The following PAPPA variants were observed in gnomAD, a reference collection of about 807,000 sequenced individuals.
PAPPA encodes the protein pappalysin 1.
In PAPPA, 60 loss-of-function variants were observed where a neutral mutation model predicts 164.0. The observed-to-expected ratio is 0.37, with a 90% CI of 0.30 to 0.45. The LOEUF is 0.45. PAPPA is among the 20% of genes least tolerant of loss of function. The pLI is 1.00. For missense variants in PAPPA, 1,782 were observed against 2,087.3 expected (o/e 0.85, Z 2.85); for synonymous variants, 875 against 814.1 (o/e 1.07, Z -1.27).
chr9:116,381,393 T>C (rs1400742446), intron 20 of PAPPA, among the ~76,000 whole-genome samples: 3 of 152,190 alleles, frequency 2.0e-5, no homozygotes, highest in Non-Finnish European at 2.9e-5. Context: ...ACATTGCCCA[T>C]GTCCATGAAG....
chr9:116,246,161 T>C (rs1313474698), intron 7 of PAPPA, among the ~76,000 whole-genome samples: 1 of 152,122 alleles, frequency 6.6e-6, no homozygotes, highest in Non-Finnish European at 1.5e-5. Context: ...ATAGGAAAAA[T>C]GTAATAGGTC....
chr9:116,262,984 T>C (rs1272601640), intron 7 of PAPPA, among the ~76,000 whole-genome samples: 1 of 152,160 alleles, frequency 6.6e-6, no homozygotes, highest in Non-Finnish European at 1.5e-5. Context: ...TCATAGGAAT[T>C]TTTCCGTGGA....
intron 1 of PAPPA, among the ~76,000 whole-genome samples, chr9:116,161,682 G>C (rs1030242281): frequency 7.8e-6 from 1 of 128,628 alleles, no homozygotes; most frequent in Non-Finnish European, 1.7e-5. Flanking sequence ...TGTCTATTTT[G>C]TTTGTTTATT....
chr9:116,336,278 C>T lies in PAPPA; in HGVS notation c.3611+1204C>T, dbSNP rs150632692. Among the ~76,000 whole-genome samples the T allele has an allele frequency of 1.3e-3, 196 of 152,262 alleles. 1 individual carries two copies. The highest frequency in any genetic ancestry group is 4.2e-3 in the African/African-American group (175 of 41,554). On this transcript the variant is annotated intron_variant, in intron 13 of 21. Coordinates refer to ENST00000328252, the MANE Select transcript of PAPPA (RefSeq NM_002581.5). ...AAGAGGGGGACACTAGCCTTTCCCACGCCCCTGTTACCACAGAGGACACAA... is the reference window on the plus strand; with the variant it reads ...AAGAGGGGGACACTAGCCTTTCCCATGCCCCTGTTACCACAGAGGACACAA...
intron 2 of PAPPA, among the ~76,000 whole-genome samples, chr9:116,188,903 A>G (rs1844010404): frequency 2.6e-5 from 4 of 152,220 alleles, no homozygotes; most frequent in African/African-American, 9.6e-5. Context: ...GGATTGATAG[A>G]GAGAAGACAT....
At chr9:116,161,034 T>C (rs948575079) in intron 1 of PAPPA, among the ~76,000 whole-genome samples, 3 of 152,096 alleles carry the variant, frequency 2.0e-5, no homozygotes, top group African/African-American at 7.2e-5. Context: ...GGTGAGACAA[T>C]GCCGGGAGAA....
rs956139187 is a variant in PAPPA, at chr9:116,154,771, G to A, written c.415+184G>A. The stretch of plus-strand genomic sequence containing the variant: ...CTCACTTTGCTCCATCGGTGGAATG[G>A]GCACACTCGGAAGGCGTAGCTGCTC... On this transcript the variant is annotated intron_variant, in intron 1 of 21. Coordinates refer to ENST00000328252, the MANE Select transcript of PAPPA (RefSeq NM_002581.5). The surrounding 1 kb of genome is among the most constrained non-coding windows in gnomAD (Gnocchi z 5.2). Among the ~76,000 whole-genome samples, 1 of 152,150 alleles carries A rather than the reference G, an allele frequency of 6.6e-6. No individual in the cohort carries two copies. Among genetic ancestry groups the A allele is most frequent in the Non-Finnish European group, 1.5e-5 (1 of 68,014 alleles).
rs57871796 is a variant in PAPPA at position 116,314,060 on chromosome 9, C to CTTTTTTTT, written c.3147+11133_3147+11140dup. Among the ~76,000 whole-genome samples, 25 of 69,724 alleles carry CTTTTTTTT rather than the reference C, an allele frequency of 3.6e-4. 7 individuals carry two copies. The highest frequency in any genetic ancestry group is 9.5e-4 in the South Asian group (2 of 2,108). The allele number at this position is 69,724 out of a possible 152,430, so 45.7% of individuals were successfully genotyped here. On this transcript the variant is annotated intron_variant, in intron 10 of 21. Transcript: ENST00000328252. ...ATTCAGTTCTGTCATTGCATCGAATCTTTTTTTTTTTTTTTTTTTTTTTTT... is the reference window on the plus strand; with the variant it reads ...ATTCAGTTCTGTCATTGCATCGAATCTTTTTTTTTTTTTTTTTTTTTTTTTTTTTTTTT...
intron 19 of PAPPA, among the ~76,000 whole-genome samples, chr9:116,368,930 C>A (rs1305263578): frequency 6.6e-6 from 1 of 152,128 alleles, no homozygotes; most frequent in African/African-American, 2.4e-5. Context: ...CCTGGCCAGA[C>A]CTCCTCCACT....
chr9:116,174,983 A>G (rs1001406041), intron 1 of PAPPA, among the ~76,000 whole-genome samples: 1 of 152,182 alleles, frequency 6.6e-6, no homozygotes, highest in African/African-American at 2.4e-5. Context: ...AATTTATTTT[A>G]CCACAGTCAT....
intron 9 of PAPPA, among the ~76,000 whole-genome samples, chr9:116,294,249 A>G (rs1216004545): frequency 6.6e-6 from 1 of 152,126 alleles, no homozygotes; most frequent in African/African-American, 2.4e-5. Flanking sequence ...AAACACAGGG[A>G]GGAATTTCTG....
chr9:116,195,913 C>G (rs981080053), intron 2 of PAPPA, among the ~76,000 whole-genome samples: 9 of 152,054 alleles, frequency 5.9e-5, no homozygotes, highest in Non-Finnish European at 1.0e-4. Context: ...TCCAAAAGTC[C>G]TGTATAAACC....
chr9:116,263,371 A>C (rs556418871), intron 7 of PAPPA, among the ~76,000 whole-genome samples: 3 of 152,258 alleles, frequency 2.0e-5, no homozygotes, highest in African/African-American at 7.2e-5. Flanking sequence ...GTTCCAGCCA[A>C]GTGAAGTAGT....
In PAPPA at chr9:116,344,523, C is replaced by T. The variant is rs1332102235; in HGVS notation, c.3612-20C>T. 2 of 1,603,706 alleles carry T rather than the reference C, an allele frequency of 1.2e-6. No individual in the cohort carries two copies. Among genetic ancestry groups the T allele is most frequent in the East Asian group, 2.2e-5 (1 of 44,578 alleles). On this transcript the variant is annotated intron_variant, in intron 13 of 21. Coordinates refer to ENST00000328252, the MANE Select transcript of PAPPA (RefSeq NM_002581.5). ...TCCTGTGAGGAGACTCCTTCTTCCCCTCGTTTCTTTCCTCCCCAGCTGCGT... is the reference window on the plus strand; with the variant it reads ...TCCTGTGAGGAGACTCCTTCTTCCCTTCGTTTCTTTCCTCCCCAGCTGCGT...
chr9:116,305,229 C>T (rs545780826), intron 10 of PAPPA, among the ~76,000 whole-genome samples: 2 of 149,326 alleles, frequency 1.3e-5, no homozygotes, highest in South Asian at 4.3e-4. Flanking sequence ...AACGTACCTT[C>T]CTTCCAACAA....
intron 4 of PAPPA, among the ~76,000 whole-genome samples, chr9:116,217,637 G>A (rs960417867): frequency 1.4e-5 from 2 of 140,386 alleles, no homozygotes; most frequent in African/African-American, 5.3e-5. Context: ...ACACATACAT[G>A]AGCACACGCA....
chr9:116,358,015 G>A (rs1240892452), intron 17 of PAPPA, among the ~76,000 whole-genome samples: 1 of 152,250 alleles, frequency 6.6e-6, no homozygotes, highest in Admixed American at 6.5e-5. Context: ...CCATGGACAA[G>A]GTACAGCTCA....
chr9:116,270,593 T>C (rs2118824300), intron 8 of PAPPA, among the ~76,000 whole-genome samples: 1 of 152,332 alleles, frequency 6.6e-6, no homozygotes, highest in African/African-American at 2.4e-5. Flanking sequence ...CCATCCAGAC[T>C]TTCAGGTGTT....
At chr9:116,385,618 C>G (rs556696202) in intron 21 of PAPPA, among the ~76,000 whole-genome samples, 8 of 152,332 alleles carry the variant, frequency 5.3e-5, no homozygotes, top group Middle Eastern at 3.4e-3. Flanking sequence ...TTTGCTAGCT[C>G]TGAATGCATT....
Sources: allele counts gnomAD v4.1 joint callset (sites outside exome capture counted in the v4.1 genomes callset), GRCh38; gene constraint gnomAD v4.1.1; non-coding constraint Gnocchi (gnomAD v3.1); transcripts MANE v1.5; gene names NCBI Gene and HGNC (gene_info 2026-07-23, HGNC 2026-07-21).